The following HSF2BP variants were observed in gnomAD, a reference collection of about 807,000 sequenced individuals.
HSF2BP encodes heat shock factor 2-binding protein.
Under a neutral mutation model 35.0 loss-of-function variants are expected in HSF2BP, and 35 were observed. The observed-to-expected ratio is 1.00, with a 90% CI of 0.76 to 1.32. HSF2BP has a LOEUF of 1.32. Ranked by LOEUF, HSF2BP falls within the 40% of genes most tolerant of loss-of-function variation. The probability of loss-of-function intolerance (pLI) is 0.00; values close to 1 mark genes in which losing one functional copy is unlikely to be tolerated. For missense variants in HSF2BP, 326 were observed against 321.7 expected, an observed-to-expected ratio of 1.01 and a Z score of -0.10; for synonymous variants, 114 against 117.4, an observed-to-expected ratio of 0.97 and a Z score of 0.18.
At chr21:43,601,951 C>G (rs539704644) in intron 7 of HSF2BP, among the ~76,000 whole-genome samples, 2 of 152,318 alleles carry the variant, frequency 1.3e-5, no homozygotes, top group East Asian at 3.9e-4. Context: ...GAAACCCCAT[C>G]ATGTCTGAAG....
intron 4 of HSF2BP, among the ~76,000 whole-genome samples, chr21:43,637,172 T>C (rs1568933300): frequency 6.6e-6 from 1 of 152,024 alleles, no homozygotes; most frequent in Non-Finnish European, 1.5e-5. Flanking sequence ...TAAATGCCCA[T>C]CAACTGGTGA....
At chr21:43,652,850 A>T (rs535475591) in intron 3 of HSF2BP, among the ~76,000 whole-genome samples, 1 of 152,262 alleles carries the variant, frequency 6.6e-6, no homozygotes, top group African/African-American at 2.4e-5. Context: ...AAAGAAGGGC[A>T]TCAGGCCAGG....
chr21:43,617,434 G>A (rs2082284385), intron 6 of HSF2BP, among the ~76,000 whole-genome samples: 2 of 150,738 alleles, frequency 1.3e-5, no homozygotes, highest in African/African-American at 2.4e-5. Context: ...TTGTCAATCT[G>A]TTGGAATTTC....
intron 3 of HSF2BP, among the ~76,000 whole-genome samples, chr21:43,646,745 T>C (rs1324860513): frequency 2.0e-5 from 3 of 152,160 alleles, no homozygotes; most frequent in Non-Finnish European, 2.9e-5. Flanking sequence ...GGCAATCTCA[T>C]AGAATTCCAG....
At chr21:43,598,850 CA>C (rs2082017880) in intron 7 of HSF2BP, among the ~76,000 whole-genome samples, 1 of 152,170 alleles carries the variant, frequency 6.6e-6, no homozygotes, top group African/African-American at 2.4e-5. Flanking sequence ...AGATCACAAA[CA>C]CAGAGAGTTG....
chr21:43,598,677 T>C, intron 7 of HSF2BP, among the ~76,000 whole-genome samples: 1 of 97,720 alleles, frequency 1.0e-5, no homozygotes, highest in African/African-American at 3.4e-5. Context: ...TTCTTTCAAG[T>C]TTCACTGACA....
intron 7 of HSF2BP, among the ~76,000 whole-genome samples, chr21:43,601,133 A>G (rs17004586): frequency 0.041 from 6,248 of 152,242 alleles, 442 homozygotes; most frequent in African/African-American, 0.14. Context: ...CTGGTATCCT[A>G]TGGAAAACGT....
chr21:43,621,528 G>GA (rs762757429), intron 6 of HSF2BP, among the ~76,000 whole-genome samples: 2,945 of 140,014 alleles, frequency 0.021, 39 homozygotes, highest in Middle Eastern at 0.066. Context: ...TTCTGTCTCA[G>GA]AAAAAAAAAA....
rs570821414 is a variant in HSF2BP at position 43,658,004 on chromosome 21, G to A, written c.36+57C>T. On this transcript the variant is annotated intron_variant, in intron 2 of 8. Transcript: ENST00000291560. ...CGAGCGCACGGGGCGAGGCCCTGAG[G>A]GGAGCGAATGGCGACGGTTCAAACA... is the stretch of plus-strand genomic sequence containing the variant. The A allele has an allele frequency of 8.5e-6, 13 of 1,534,232 alleles. No individual in the cohort carries two copies. The East Asian group carries it at 1.5e-4, about 17-fold the overall frequency.
chr21:43,641,385 C>T (rs191356906), intron 4 of HSF2BP, among the ~76,000 whole-genome samples: 41 of 152,270 alleles, frequency 2.7e-4, no homozygotes, highest in African/African-American at 9.6e-4. Flanking sequence ...GGACTCTTTC[C>T]TGGCCCAGCC....
At chr21:43,505,383 T>C in the HSF2BP span, among the ~76,000 whole-genome samples, 1 of 111,060 alleles carries the variant, frequency 9.0e-6, no homozygotes, top group Non-Finnish European at 1.9e-5. Flanking sequence ...CTTAACGCTA[T>C]GCAGCACTGG....
In HSF2BP at chr21:43,649,409, G is replaced by C. The variant is rs548671419; in HGVS notation, c.188-5017C>G. ...GATGATGCCACTGTACTCCAGCCTG[G>C]GTGACAGAGGGAGACTCCATCTCAA... On this transcript the variant is annotated intron_variant, in intron 3 of 8. Transcript: ENST00000291560. Among the ~76,000 whole-genome samples, 231 of 151,884 alleles carry C rather than the reference G, an allele frequency of 1.5e-3. 2 individuals carry two copies. Among genetic ancestry groups the C allele is most frequent in the African/African-American group, 5.3e-3 (220 of 41,424 alleles).
At chr21:43,614,272 A>G (rs1380523498) in intron 6 of HSF2BP, among the ~76,000 whole-genome samples, 1 of 151,716 alleles carries the variant, frequency 6.6e-6, no homozygotes, top group Non-Finnish European at 1.5e-5. Flanking sequence ...TAGAGGCAGA[A>G]GGATTGCTTG....
chr21:43,598,971 TTC>T (rs1425688463), intron 7 of HSF2BP, among the ~76,000 whole-genome samples: 1 of 152,236 alleles, frequency 6.6e-6, no homozygotes, highest in African/African-American at 2.4e-5. Flanking sequence ...CTAAAATATT[TTC>T]TGTCTGACAC....
rs528474380 is a variant in HSF2BP at position 43,587,535 on chromosome 21, CA to C, written c.796+4689del. 1.7e-3 allele frequency among the ~76,000 whole-genome samples: 255 copies of C among 152,044 alleles called. 1 individual carries two copies. The highest frequency in any genetic ancestry group is 5.9e-3 in the African/African-American group (244 of 41,466). ...ACAAAATTAGCCGGGCGTGGTGGTA[CA>C]TGCCTGTAATCCCAGCTACTCAGGA... On this transcript the variant is annotated intron_variant, in intron 8 of 8. Coordinates refer to ENST00000291560, the MANE Select transcript of HSF2BP (RefSeq NM_007031.2).
intron 8 of HSF2BP, among the ~76,000 whole-genome samples, chr21:43,582,340 G>A (rs1275377726): frequency 2.9e-5 from 4 of 138,186 alleles, no homozygotes; most frequent in Admixed American, 7.0e-5. Context: ...GGAGATGAGG[G>A]CCGGCTGAGG....
intron 6 of HSF2BP, among the ~76,000 whole-genome samples, chr21:43,629,487 T>C (rs1390809122): frequency 3.9e-5 from 6 of 152,188 alleles, no homozygotes; most frequent in African/African-American, 1.4e-4. Flanking sequence ...ATCACTTAAA[T>C]ACAGGATGTG....
intron 5 of HSF2BP, 157 bp downstream of exon 5, chr21:43,633,115 G>A (rs2082504072): frequency 1.4e-6 from 1 of 698,358 alleles, no homozygotes; most frequent in South Asian, 2.9e-5. Flanking sequence ...AGGTTACAAT[G>A]AACCATATAC....
At position 43,581,936 on chromosome 21, in the gene HSF2BP, G is replaced by C. The variant is rs1237054343; in HGVS notation, c.796+10289C>G. On this transcript the variant is annotated intron_variant, in intron 8 of 8. Transcript: ENST00000291560. ...GCTGTGGGAGATGAGGGCCTGCCGT[G>C]GGGGATGAGGGTCTGCTGTGGGAGA... Among the ~76,000 whole-genome samples, 7 of 140,732 alleles carry C rather than the reference G, an allele frequency of 5.0e-5. No homozygotes were observed. The South Asian group carries it at 1.1e-3, about 23-fold the overall frequency. The allele number at this position is 140,732 out of a possible 152,430, so 92.3% of individuals were successfully genotyped here.
Sources: gnomAD v4.1 joint callset for allele counts (sites outside exome capture counted in the v4.1 genomes callset) on GRCh38, gnomAD v4.1.1 for gene constraint, MANE v1.5 for transcripts, NCBI Gene and HGNC (gene_info 2026-07-23, HGNC 2026-07-21) for gene names.